ATP2C2: variants seen among roughly 807,000 people sequenced by gnomAD.
The protein encoded by ATP2C2 is ATPase secretory pathway Ca2+ transporting 2.
A neutral mutation model predicts 110.8 loss-of-function variants in ATP2C2; 171 were observed. The ratio of observed to expected loss-of-function variants is 1.54; its 90% CI spans 1.36 to 1.75. The LOEUF (loss-of-function observed/expected upper bound fraction) is 1.75, where lower values mean the gene tolerates loss of function less well. Ranked by LOEUF, ATP2C2 falls within the 40% of genes most tolerant of loss-of-function variation. The pLI is 0.00. For missense variants in ATP2C2, 1,963 were observed against 1,235.0 expected, an observed-to-expected ratio of 1.59 and a Z score of -8.84; for synonymous variants, 804 against 508.4, an observed-to-expected ratio of 1.58 and a Z score of -7.82.
At chr16:84,399,730 C>T (rs529106321) in intron 2 of ATP2C2, among the ~76,000 whole-genome samples, 1 of 152,284 alleles carries the variant, frequency 6.6e-6, no homozygotes, top group Non-Finnish European at 1.5e-5. Flanking sequence ...AACGGGGTCT[C>T]CATTACCTCA....
chr16:84,433,716 A>G (rs1597827678), intron 11 of ATP2C2, among the ~76,000 whole-genome samples: 1 of 152,232 alleles, frequency 6.6e-6, no homozygotes, highest in Admixed American at 6.5e-5. Flanking sequence ...CCTCCTGCCA[A>G]TAATGGTGCA....
rs866798140 is a variant in ATP2C2 at position 84,453,902 on chromosome 16, A to G, written c.1980+531A>G. Reference sequence around the variant, plus strand: ...GTCACCTAGGCTGCAGTGCAGTGGCACAATCTCGGCTTACTTCAACCTCTG... The same window carrying G: ...GTCACCTAGGCTGCAGTGCAGTGGCGCAATCTCGGCTTACTTCAACCTCTG... On this transcript the variant is annotated intron_variant, in intron 20 of 26. Transcript: ENST00000262429. 2.6e-5 allele frequency among the ~76,000 whole-genome samples: 4 copies of G among 152,118 alleles called. No individual in the cohort carries two copies. In the South Asian group the frequency reaches 6.2e-4, roughly 24 times the overall value.
At chr16:84,397,122 A>G (rs1905032137) in intron 1 of ATP2C2, among the ~76,000 whole-genome samples, 1 of 151,688 alleles carries the variant, frequency 6.6e-6, no homozygotes. Context: ...GATGCTAGGA[A>G]TGGTTTTGCA....
chr16:84,411,728 C>T (rs1211675419), intron 6 of ATP2C2, among the ~76,000 whole-genome samples: 1 of 152,150 alleles, frequency 6.6e-6, no homozygotes, highest in Non-Finnish European at 1.5e-5. Context: ...AGGTGTGAGC[C>T]ACCGTGCCCG....
Position 84,448,536 on chromosome 16 carries a change from C to G in ATP2C2, c.1507C>G (p.Gln503Glu), listed in dbSNP as rs758765955. 5 of 1,609,214 alleles carry G rather than the reference C, an allele frequency of 3.1e-6. No individual in the cohort carries two copies. The highest frequency in any genetic ancestry group is 3.4e-6 in the Non-Finnish European group (4 of 1,176,758). Residue 503 changes from glutamine (Q) to glutamate (E), a missense_variant, in exon 17 of 27, where the codon CAG becomes GAG. Gln to Glu is a conservative substitution (Grantham distance 29). Coordinates refer to ENST00000262429, the MANE Select transcript of ATP2C2 (RefSeq NM_014861.4). ...TCTTCCCTTTGTCTTTTCTAAGGAT[C>G]AGGAAGACATTTACTTCATGAAAGG... ...AVKCSLKTED[Q>E]EDIYFMKGAL...
intron 16 of ATP2C2, among the ~76,000 whole-genome samples, 156 bp downstream of exon 16, chr16:84,446,586 G>C (rs1293527117): frequency 2.0e-5 from 3 of 152,132 alleles, no homozygotes; most frequent in Non-Finnish European, 4.4e-5. Flanking sequence ...TCATACCTTT[G>C]ATTCTCTTGG....
At chr16:84,396,421 G>A (rs1405623876) in intron 1 of ATP2C2, among the ~76,000 whole-genome samples, 2 of 151,416 alleles carry the variant, frequency 1.3e-5, no homozygotes, top group Non-Finnish European at 2.9e-5. Context: ...GTGGCGGTGC[G>A]TGCCTGTAGT....
chr16:84,449,409 G>A (rs1161815347), intron 17 of ATP2C2, among the ~76,000 whole-genome samples: 1 of 152,192 alleles, frequency 6.6e-6, no homozygotes, highest in Admixed American at 6.5e-5. Flanking sequence ...CCAAAGCATT[G>A]GCACTTTGCC....
At position 84,463,715 on chromosome 16, in the gene ATP2C2, C is replaced by T. The variant is rs1911634035; in HGVS notation, c.2824C>T (p.His942Tyr). The stretch of plus-strand genomic sequence containing the variant: ...TTGCAGCCCCAAGAGAGTCCAGATG[C>T]ACCCTGAAGATGTGTAGTGGACCGC... Reference protein sequence around the residue: ...YCCSPKRVQMHPEDV With the variant: ...YCCSPKRVQMYPEDV The change falls in exon 27 of 27, where the codon CAC becomes TAC. Residue 942 changes from histidine (H) to tyrosine (Y), a missense_variant. Transcript: ENST00000262429. 1.2e-6 allele frequency: 2 copies of T among 1,613,406 alleles called. No homozygotes were observed. Among genetic ancestry groups the T allele is most frequent in the South Asian group, 1.1e-5 (1 of 91,070 alleles).
At chr16:84,433,923 C>A (rs976261493) in intron 11 of ATP2C2, among the ~76,000 whole-genome samples, 2 of 152,124 alleles carry the variant, frequency 1.3e-5, no homozygotes, top group South Asian at 2.1e-4. Context: ...TTGATCCATG[C>A]GAGTGGACTT....
intron 25 of ATP2C2, 34 bp downstream of exon 25, chr16:84,461,846 C>T: frequency 6.2e-7 from 1 of 1,609,316 alleles, no homozygotes. Context: ...CGCTGCAGAG[C>T]TGCTGTGTGT....
At chr16:84,451,653 C>A (rs548355758) in intron 17 of ATP2C2, among the ~76,000 whole-genome samples, 1 of 152,252 alleles carries the variant, frequency 6.6e-6, no homozygotes, top group East Asian at 1.9e-4. Flanking sequence ...GCCTGGCCAA[C>A]ATGGTGAAAT....
rs1218241601 is a variant in ATP2C2 at position 84,439,437 on chromosome 16, C to T, written c.1122C>T (p.Ser374=). The T allele has an allele frequency of 1.9e-6, 3 of 1,613,970 alleles. No homozygotes were observed. The highest frequency in any genetic ancestry group is 2.5e-6 in the Non-Finnish European group (3 of 1,180,014). ...TGTTTGTTGTACCAGGTTGCTGCAG[C>T]GTTCTCTGTTCTGACAAGACGGGGA... ...LPIVETLGCC[S]VLCSDKTGTL... Residue 374 remains serine, a synonymous_variant, in exon 13 of 27, where the codon AGC becomes AGT. Transcript: ENST00000262429.
intron 1 of ATP2C2, 39 bp downstream of exon 1, chr16:84,368,753 C>T: frequency 7.0e-7 from 1 of 1,431,560 alleles, no homozygotes; most frequent in Non-Finnish European, 9.3e-7. Context: ...TGCGACCCGA[C>T]CCCCCATCCC....
At chr16:84,397,601 G>C (rs376445484) in intron 1 of ATP2C2, among the ~76,000 whole-genome samples, 1 of 138,510 alleles carries the variant, frequency 7.2e-6, no homozygotes, top group South Asian at 2.4e-4. Context: ...CTGAGCCTGG[G>C]AGGTTGAGGC....
chr16:84,373,137 T>C (rs935518672), intron 1 of ATP2C2, among the ~76,000 whole-genome samples: 9 of 122,542 alleles, frequency 7.3e-5, no homozygotes, highest in Middle Eastern at 6.1e-3. Context: ...AAAAAAAAAG[T>C]CAAATTTATA....
chr16:84,459,602 G>T, intron 23 of ATP2C2: 1 of 1,534,472 alleles, frequency 6.5e-7, no homozygotes, highest in Non-Finnish European at 8.7e-7. Flanking sequence ...GGTGAGGATG[G>T]AACTTTCTGC....
intron 26 of ATP2C2, 171 bp downstream of exon 26, chr16:84,462,300 T>C: frequency 2.4e-6 from 2 of 828,682 alleles, no homozygotes; most frequent in Non-Finnish European, 3.7e-6. Context: ...GACTCTAACG[T>C]GGGTGATGTG....
intron 9 of ATP2C2, 128 bp from the exon 10 acceptor site, chr16:84,423,060 T>C: frequency 1.4e-6 from 1 of 739,574 alleles, no homozygotes; most frequent in African/African-American, 1.7e-5. Flanking sequence ...AGTCAATGAA[T>C]GTTGACATAT....
Sources: gnomAD v4.1 joint callset for allele counts (sites outside exome capture counted in the v4.1 genomes callset) on GRCh38, gnomAD v4.1.1 for gene constraint, MANE v1.5 for transcripts, NCBI Gene and HGNC (gene_info 2026-07-23, HGNC 2026-07-21) for gene names.